OTOGL: variants seen among roughly 807,000 people sequenced by gnomAD.
OTOGL encodes otogelin like, also known as otogelin-like protein.
A neutral mutation model predicts 318.5 loss-of-function variants in OTOGL; 285 were observed. That is an observed-to-expected ratio of 0.89 (90% CI 0.81 to 0.99). OTOGL has a LOEUF of 0.99. OTOGL is among the 50% of genes least tolerant of loss of function. The pLI, the probability that OTOGL is intolerant of heterozygous loss-of-function variation, is 0.00. For missense variants in OTOGL, 2,899 were observed against 2,845.6 expected (o/e 1.02, Z -0.43); for synonymous variants, 987 against 936.5 (o/e 1.05, Z -0.99).
intron 24 of OTOGL, among the ~76,000 whole-genome samples, chr12:80,273,626 T>C (rs1883576758): frequency 6.6e-6 from 1 of 152,088 alleles, no homozygotes; most frequent in Non-Finnish European, 1.5e-5. Flanking sequence ...GCTCAGCAAA[T>C]GTTTATTTCT....
intron 1 of OTOGL, among the ~76,000 whole-genome samples, chr12:80,183,252 C>T (rs1201916574): frequency 6.6e-6 from 1 of 152,152 alleles, no homozygotes; most frequent in African/African-American, 2.4e-5. Context: ...TATGTTCTCT[C>T]TCTCACTCCC....
At chr12:80,191,593 G>C (rs1345188175) in intron 1 of OTOGL, among the ~76,000 whole-genome samples, 1 of 152,092 alleles carries the variant, frequency 6.6e-6, no homozygotes, top group Non-Finnish European at 1.5e-5. Flanking sequence ...ATTTTATAAA[G>C]TTTTATTCTG....
At chr12:80,321,948 T>C (rs866885990) in intron 34 of OTOGL, among the ~76,000 whole-genome samples, 6 of 152,268 alleles carry the variant, frequency 3.9e-5, no homozygotes, top group Middle Eastern at 3.4e-3. Flanking sequence ...ATGCTCCAGG[T>C]TGCACTGCAG....
At position 80,296,917 on chromosome 12, in the gene OTOGL, G is replaced by C. The variant is rs757075130; in HGVS notation, c.3019G>C (p.Val1007Leu). The C allele has an allele frequency of 1.3e-6, 2 of 1,550,658 alleles. No homozygotes were observed. Among genetic ancestry groups the C allele is most frequent in the Non-Finnish European group, 1.7e-6 (2 of 1,151,052 alleles). Reference protein sequence around the residue: ...IVCSKSVLISVGDTEIYLNDT... With the variant: ...IVCSKSVLISLGDTEIYLNDT... ...TTGTTCTAAAAGTGTTTTGATTTCA[G>C]TTGGGGACACTGAAATTTACCTGAA... The change falls in exon 27 of 59, where the codon GTT becomes CTT. Residue 1007 changes from valine (V) to leucine (L), a missense_variant. Coordinates refer to ENST00000547103, the MANE Select transcript of OTOGL (RefSeq NM_001378609.3).
At chr12:80,342,820 G>A (rs1401103039) in intron 44 of OTOGL, among the ~76,000 whole-genome samples, 2 of 152,164 alleles carry the variant, frequency 1.3e-5, no homozygotes, top group African/African-American at 4.8e-5. Flanking sequence ...ACATTAAAGT[G>A]TACATTATAG....
In OTOGL at chr12:80,217,652, A is replaced by G; in HGVS notation, c.223A>G (p.Ser75Gly). 6.5e-7 allele frequency: 1 copy of G among 1,544,876 alleles called. No individual in the cohort carries two copies. The change falls in exon 5 of 59, where the codon AGC becomes GGC. Residue 75 changes from serine (S) to glycine (G), a missense_variant. By Grantham distance (56) the Ser-to-Gly change is moderately conservative. This residue lies in a region of OTOGL where 2,607 missense variants were observed against 2,524.9 expected (regional missense o/e 1.03). Coordinates refer to ENST00000547103, the MANE Select transcript of OTOGL (RefSeq NM_001378609.3). ...FFHDAINWGE[S>G]KIKGSCPYEC... is the part of the protein sequence containing the mutation. ...CCATGATGCTATTAATTGGGGTGAG[A>G]GCAAAATAAAAGGTCAGTGTTTATA... is the stretch of plus-strand genomic sequence containing the variant.
intron 11 of OTOGL, among the ~76,000 whole-genome samples, chr12:80,249,452 G>A (rs1303752169): frequency 1.3e-5 from 2 of 151,460 alleles, no homozygotes; most frequent in African/African-American, 2.4e-5. Flanking sequence ...CCCCTGCTGG[G>A]GGGTGCCTCC....
chr12:80,205,885 A>G (rs1310005471), intron 1 of OTOGL, among the ~76,000 whole-genome samples: 1 of 152,248 alleles, frequency 6.6e-6, no homozygotes, highest in Non-Finnish European at 1.5e-5. Flanking sequence ...TATCATTGAC[A>G]TATATACTCC....
intron 1 of OTOGL, among the ~76,000 whole-genome samples, chr12:80,194,328 C>T (rs990269662): frequency 1.3e-5 from 2 of 152,164 alleles, no homozygotes; most frequent in Admixed American, 1.3e-4. Context: ...AATAATTCCC[C>T]TTTTTGCTTA....
At position 80,229,234 on chromosome 12, in the gene OTOGL, CT is replaced by C. The variant is rs1279772408; in HGVS notation, c.490-18del. On this transcript the variant is annotated intron_variant, in intron 7 of 58. Transcript: ENST00000547103. ...GATTTATTGTTTGTTCCTATGCTTT[CT>C]TTTTGTTTTTCTCCCTTTAAGGTTC... 7 of 1,589,968 alleles carry C rather than the reference CT, an allele frequency of 4.4e-6. No individual in the cohort carries two copies. The African/African-American group carries it at 5.4e-5, about 12-fold the overall frequency.
chr12:80,125,100 A>G (rs1319192613), intron 1 of OTOGL, among the ~76,000 whole-genome samples: 1 of 152,228 alleles, frequency 6.6e-6, no homozygotes, highest in East Asian at 1.9e-4. Context: ...GAGGGAGGGC[A>G]TCCCTGTCTT....
chr12:80,124,695 G>A (rs1222369845), intron 1 of OTOGL, among the ~76,000 whole-genome samples: 5 of 152,072 alleles, frequency 3.3e-5, no homozygotes, highest in African/African-American at 9.7e-5. Context: ...CCATTTGTTT[G>A]TATCCTCTTT....
chr12:80,326,108 G>A (rs540736633), intron 35 of OTOGL, among the ~76,000 whole-genome samples: 4 of 152,158 alleles, frequency 2.6e-5, no homozygotes, highest in Admixed American at 2.6e-4. Context: ...CCTTATACCT[G>A]CAGTACTTGA....
intron 1 of OTOGL, among the ~76,000 whole-genome samples, chr12:80,136,764 T>A (rs1181870801): frequency 6.6e-6 from 1 of 152,206 alleles, no homozygotes; most frequent in Non-Finnish European, 1.5e-5. Context: ...CCCTTCCAGC[T>A]ATCTCTTCAT....
At chr12:80,197,490 T>C (rs1233887635) in intron 1 of OTOGL, among the ~76,000 whole-genome samples, 1 of 152,206 alleles carries the variant, frequency 6.6e-6, no homozygotes, top group Non-Finnish European at 1.5e-5. Flanking sequence ...ATTACAGGTA[T>C]GAGCCACCGT....
chr12:80,251,984 A>G, intron 12 of OTOGL, 92 bp from the exon 13 acceptor site: 1 of 1,361,002 alleles, frequency 7.3e-7, no homozygotes, highest in Non-Finnish European at 9.6e-7. Context: ...TATTTTTTGC[A>G]AATTATTTTT....
chr12:80,208,398 CT>C (rs896901783), intron 1 of OTOGL, among the ~76,000 whole-genome samples: 1 of 152,142 alleles, frequency 6.6e-6, no homozygotes, highest in Non-Finnish European at 1.5e-5. Flanking sequence ...ACTGCTGTGC[CT>C]TTTTGTTTCA....
chr12:80,181,411 T>G (rs1289681627), intron 1 of OTOGL, among the ~76,000 whole-genome samples: 1 of 151,948 alleles, frequency 6.6e-6, no homozygotes, highest in Non-Finnish European at 1.5e-5. Context: ...TTGAATATAC[T>G]TTGGTGGGGG....
intron 38 of OTOGL, among the ~76,000 whole-genome samples, chr12:80,334,427 T>C (rs1185284683): frequency 1.3e-5 from 2 of 152,060 alleles, no homozygotes; most frequent in African/African-American, 2.4e-5. Context: ...TGTGGACATA[T>C]AGATTTGGCA....
Sources: gnomAD v4.1 joint callset for allele counts (sites outside exome capture counted in the v4.1 genomes callset) on GRCh38, gnomAD v4.1.1 for gene constraint, gnomAD v4.1.1 regional missense constraint, MANE v1.5 for transcripts, NCBI Gene and HGNC (gene_info 2026-07-23, HGNC 2026-07-21) for gene names.